ITIH6: variants seen among roughly 807,000 people sequenced by gnomAD.
ITIH6 encodes inter-alpha-trypsin inhibitor heavy chain family member 6, also known as inter-alpha-trypsin inhibitor heavy chain H6.
Under a neutral mutation model 58.2 loss-of-function variants are expected in ITIH6, and 60 were observed. That is an observed-to-expected ratio of 1.03 (90% CI 0.84 to 1.28). ITIH6 has a LOEUF of 1.28. ITIH6 is among the 50% of genes most tolerant of loss of function. The pLI is 0.00. For missense variants in ITIH6, 1,290 were observed against 1,021.1 expected, an observed-to-expected ratio of 1.26 and a Z score of -3.59; for synonymous variants, 493 against 417.4, an observed-to-expected ratio of 1.18 and a Z score of -2.21.
chrX:54,751,390 G>A lies in ITIH6; in HGVS notation c.3353-10C>T. On this transcript the variant is annotated splice_polypyrimidine_tract_variant and intron_variant, in intron 11 of 12. Coordinates refer to ENST00000218436, the MANE Select transcript of ITIH6 (RefSeq NM_198510.3). ...CCACTCACATGCAGCCCTGGAGGGAGGGGAGTGTGGGCCTGGAGCGGGGGC... is the reference window on the plus strand; with the variant it reads ...CCACTCACATGCAGCCCTGGAGGGAAGGGAGTGTGGGCCTGGAGCGGGGGC... The A allele has an allele frequency of 1.7e-6, 2 of 1,207,147 alleles. No homozygotes were observed. The highest frequency in any genetic ancestry group is 2.2e-6 in the Non-Finnish European group (2 of 892,477).
rs17002590 is a variant in ITIH6 at position 54,749,729 on chromosome X, T to C, written c.*166A>G. On this transcript the variant is annotated 3_prime_UTR_variant, in exon 13 of 13. Coordinates refer to ENST00000218436, the MANE Select transcript of ITIH6 (RefSeq NM_198510.3). The stretch of plus-strand genomic sequence containing the variant: ...GTCCCTGACTCTATGTCTCTGCATG[T>C]CTATGTGTTTGTATACCCTTGTATA... 15,483 of 424,715 alleles carry C rather than the reference T, an allele frequency of 0.036. 1,783 individuals carry two copies. The highest frequency in any genetic ancestry group is 0.34 in the African/African-American group (13,438 of 39,159). The allele number at this position is 424,715 out of a possible 1,213,427, so 35.0% of individuals were successfully genotyped here.
chrX:54,763,266 C>T (rs969733845), intron 6 of ITIH6, among the ~76,000 whole-genome samples: 1 of 111,158 alleles, frequency 9.0e-6, no homozygotes, highest in Non-Finnish European at 1.9e-5. Flanking sequence ...GGGGATAGGT[C>T]GTATATTCTG....
In ITIH6 at chrX:54,795,138, T is replaced by C. The variant is rs759956472; in HGVS notation, c.257+1804A>G. On this transcript the variant is annotated intron_variant, in intron 2 of 12. Transcript: ENST00000218436. ...CTGGCCACCTAGCCGGCCCCTCCAG[T>C]CTGCTACCACTTCACAATCACCTCT... is the stretch of plus-strand genomic sequence containing the variant. Among the ~76,000 whole-genome samples the C allele has an allele frequency of 2.7e-5, 3 of 111,647 alleles. No individual in the cohort carries two copies. The East Asian group carries it at 8.6e-4, about 32-fold the overall frequency.
chrX:54,765,605 T>C (rs898122785), intron 6 of ITIH6, among the ~76,000 whole-genome samples: 19 of 102,432 alleles, frequency 1.9e-4, no homozygotes, highest in Non-Finnish European at 3.4e-4. Flanking sequence ...TTTTTTTTTT[T>C]TTTTTTTTTG....
Position 54,751,263 on chromosome X carries a change from A to G in ITIH6, c.3470T>C (p.Ile1157Thr), listed in dbSNP as rs1928353235. 6.6e-6 allele frequency: 8 copies of G among 1,210,076 alleles called. No individual in the cohort carries two copies. The highest frequency in any genetic ancestry group is 3.5e-5 in the South Asian group (2 of 56,794). ...VTTDKPRAYTITISRSSISLR... is the reference protein window; with the variant it reads ...VTTDKPRAYTTTISRSSISLR... ...AGATATAGAACTGCGGCTGATGGTG[A>G]TAGTATAGGCCCGGGGTTTGTCTGT... The change falls in exon 12 of 13, where the codon ATC (isoleucine) becomes ACC (threonine). Residue 1157 changes from isoleucine to threonine, a missense_variant. Transcript: ENST00000218436.
chrX:54,755,008 C>T lies in ITIH6; in HGVS notation c.3202+9G>A. The T allele has an allele frequency of 8.4e-7, 1 of 1,187,065 alleles. No homozygotes were observed. Among genetic ancestry groups the T allele is most frequent in the South Asian group, 1.8e-5 (1 of 55,921 alleles). ...CAGGGGATCTTTGTCAGGAGAGCTC[C>T]TTGCTCACCTTTTGCTAACCCCACA... On this transcript the variant is annotated intron_variant, in intron 9 of 12. Coordinates refer to ENST00000218436, the MANE Select transcript of ITIH6 (RefSeq NM_198510.3).
At chrX:54,779,113 C>G (rs943969515) in intron 5 of ITIH6, among the ~76,000 whole-genome samples, 1 of 112,397 alleles carries the variant, frequency 8.9e-6, no homozygotes, top group African/African-American at 3.2e-5. Context: ...ATTGCTAGAC[C>G]TGTCCTACAA....
chrX:54,785,092 C>T (rs1278351652), intron 5 of ITIH6, among the ~76,000 whole-genome samples: 1 of 110,112 alleles, frequency 9.1e-6, no homozygotes, highest in Non-Finnish European at 1.9e-5. Context: ...ATAAGCCAGG[C>T]ACAGAAAGAC....
intron 4 of ITIH6, among the ~76,000 whole-genome samples, chrX:54,790,371 AAC>A (rs1929320104): frequency 3.6e-5 from 4 of 112,152 alleles, no homozygotes; most frequent in East Asian, 2.8e-4. Context: ...ATTTGAAGCA[AAC>A]TTCTGAGGCA....
Position 54,749,874 on chromosome X carries a change from G to A in ITIH6, c.*21C>T. The A allele has an allele frequency of 8.4e-7, 1 of 1,184,845 alleles. No homozygotes were observed. Among genetic ancestry groups the A allele is most frequent in the Non-Finnish European group, 1.1e-6 (1 of 877,088 alleles). ...TGGATCTCCCAAATTCAGGTCTCCTGGCTCTGGAATTCAGAAGCCATCACA... is the reference window on the plus strand; with the variant it reads ...TGGATCTCCCAAATTCAGGTCTCCTAGCTCTGGAATTCAGAAGCCATCACA... On this transcript the variant is annotated 3_prime_UTR_variant, in exon 13 of 13. Transcript: ENST00000218436.
Position 54,750,121 on chromosome X carries a change from T to C in ITIH6, c.3731-15A>G, listed in dbSNP as rs766257394. ...CTGGAACTGCCCTGAGGGAGAGAGA[T>C]GCAGTGCTAGTCAGGGAGGTGGCCT... On this transcript the variant is annotated splice_polypyrimidine_tract_variant and intron_variant, in intron 12 of 12. Transcript: ENST00000218436. 1.7e-5 allele frequency: 20 copies of C among 1,170,742 alleles called. No individual in the cohort carries two copies. The African/African-American group carries it at 3.2e-4, about 19-fold the overall frequency.
chrX:54,796,707 A>G (rs1443342173), intron 2 of ITIH6, among the ~76,000 whole-genome samples: 2 of 110,486 alleles, frequency 1.8e-5, no homozygotes, highest in South Asian at 3.8e-4. Context: ...AGAAAGAAAG[A>G]AAAAAAGAAA....
At chrX:54,792,065 T>A in intron 2 of ITIH6, 29 bp from the exon 3 acceptor site, 1 of 1,026,630 alleles carries the variant, frequency 9.7e-7, no homozygotes, top group Non-Finnish European at 1.4e-6. Context: ...GGAGGGACAG[T>A]AGAGACAGAG....
intron 2 of ITIH6, among the ~76,000 whole-genome samples, chrX:54,794,272 A>G (rs999310191): frequency 2.7e-5 from 3 of 110,305 alleles, no homozygotes; most frequent in Non-Finnish European, 3.8e-5. Flanking sequence ...CAGCCAGCAT[A>G]CTTTCCACAG....
chrX:54,754,358 G>T (rs1440500491), intron 9 of ITIH6, among the ~76,000 whole-genome samples: 1 of 112,064 alleles, frequency 8.9e-6, no homozygotes, highest in Non-Finnish European at 1.9e-5. Flanking sequence ...AATCTCCAGA[G>T]CTGTGAATAT....
chrX:54,769,989 C>A (rs1329525112), intron 6 of ITIH6, among the ~76,000 whole-genome samples: 1 of 110,516 alleles, frequency 9.0e-6, no homozygotes, highest in East Asian at 2.9e-4. Context: ...TTGCTGCCGC[C>A]TTGCAGTTTG....
intron 5 of ITIH6, among the ~76,000 whole-genome samples, 164 bp from the exon 6 acceptor site, chrX:54,774,361 T>C (rs1332657688): frequency 8.9e-6 from 1 of 112,926 alleles, no homozygotes; most frequent in Non-Finnish European, 1.9e-5. Flanking sequence ...ACTGTCCATC[T>C]CCTTCACTAG....
intron 2 of ITIH6, among the ~76,000 whole-genome samples, chrX:54,792,941 G>T (rs1431623983): frequency 9.0e-6 from 1 of 110,594 alleles, no homozygotes; most frequent in Non-Finnish European, 1.9e-5. Flanking sequence ...ACACTCCAAG[G>T]CTCTGTTGTC....
At chrX:54,784,200 A>G (rs909033366) in intron 5 of ITIH6, among the ~76,000 whole-genome samples, 1 of 112,028 alleles carries the variant, frequency 8.9e-6, no homozygotes, top group Non-Finnish European at 1.9e-5. Flanking sequence ...TTGATTAAAG[A>G]CTTCAATCTC....
Sources: gnomAD v4.1 joint callset for allele counts (sites outside exome capture counted in the v4.1 genomes callset) on GRCh38, gnomAD v4.1.1 for gene constraint, MANE v1.5 for transcripts, NCBI Gene and HGNC (gene_info 2026-07-23, HGNC 2026-07-21) for gene names.